TFEB: variants seen among roughly 807,000 people sequenced by gnomAD.
TFEB encodes the protein transcription factor EB.
In TFEB, 12 loss-of-function variants were observed where a neutral mutation model predicts 48.0. That is an observed-to-expected ratio of 0.25 (90% CI 0.16 to 0.40). The LOEUF is 0.40. Ranked by LOEUF, TFEB falls within the 10% of genes least tolerant of loss-of-function variation. The pLI, the probability that TFEB is intolerant of heterozygous loss-of-function variation, is 1.00. For synonymous variants in TFEB, 244 were observed against 261.4 expected (o/e 0.93, Z 0.64); for missense variants, 509 against 640.3 (o/e 0.79, Z 2.21).
Position 41,691,496 on chromosome 6 carries a change from A to G in TFEB, c.-22-261T>C, listed in dbSNP as rs1200176630. ...TTGCAGTTGGTAAATCCCAAACTCT[A>G]AGAGTCAACTTCCACTCCTCTCTGT... On this transcript the variant is annotated intron_variant, in intron 1 of 8. Transcript: ENST00000373033. This position sits in a 1 kb window ranked among gnomAD's most constrained non-coding sequence, Gnocchi z 5.2. 4 of 668,430 alleles carry G rather than the reference A, an allele frequency of 6.0e-6. No homozygotes were observed. The East Asian group carries it at 8.3e-5, about 14-fold the overall frequency. The allele number at this position is 668,430 out of a possible 1,614,324, so 41.4% of individuals were successfully genotyped here.
intron 1 of TFEB, among the ~76,000 whole-genome samples, chr6:41,713,305 G>A (rs1770567901): frequency 6.6e-6 from 1 of 152,168 alleles, no homozygotes; most frequent in Admixed American, 6.5e-5. Flanking sequence ...GGCGGGTGGT[G>A]GGCAGGTGGA....
chr6:41,712,321 G>C (rs911417777), intron 1 of TFEB, among the ~76,000 whole-genome samples: 6 of 152,144 alleles, frequency 3.9e-5, no homozygotes, highest in Non-Finnish European at 8.8e-5. Flanking sequence ...CGAGAAAGAG[G>C]CTCCCCAAAG....
intron 4 of TFEB, 39 bp downstream of exon 4, chr6:41,689,692 A>G (rs774642549): frequency 6.5e-7 from 1 of 1,548,904 alleles, no homozygotes; most frequent in Admixed American, 1.7e-5. Context: ...CCCCCTCCCT[A>G]GAACCCTTGC....
intron 1 of TFEB, among the ~76,000 whole-genome samples, chr6:41,706,295 G>A (rs969017545): frequency 6.6e-6 from 1 of 152,210 alleles, no homozygotes; most frequent in African/African-American, 2.4e-5. Context: ...AATTAACCAG[G>A]TTCCAAAATA....
At position 41,686,931 on chromosome 6, in the gene TFEB, T is replaced by A. The variant is rs1769040838; in HGVS notation, c.803+163A>T. ...CTCATCTGTCTTGAGCTTTCCTGAT[T>A]CTTTCCTGATTTGGGAGAGGGAGAG... On this transcript the variant is annotated intron_variant, in intron 7 of 8. Transcript: ENST00000373033. 2.8e-5 allele frequency: 19 copies of A among 676,088 alleles called. No individual in the cohort carries two copies. The East Asian group carries it at 5.2e-4, about 18-fold the overall frequency. The allele number at this position is 676,088 out of a possible 1,614,324, so 41.9% of individuals were successfully genotyped here.
chr6:41,713,625 C>T (rs975723905), intron 1 of TFEB, among the ~76,000 whole-genome samples: 1 of 152,164 alleles, frequency 6.6e-6, no homozygotes, highest in Non-Finnish European at 1.5e-5. Flanking sequence ...AGAACTCAGG[C>T]ACCTGGTGGG....
At position 41,712,434 on chromosome 6, in the gene TFEB, C is replaced by T. The variant is rs1487820983; in HGVS notation, c.-22-21199G>A. Reference sequence around the variant, plus strand: ...CAGCCACAGCTCTGGGCTCCAACCCCGGCTCTGCTTCTCACTAGCCATGAG... The same window carrying T: ...CAGCCACAGCTCTGGGCTCCAACCCTGGCTCTGCTTCTCACTAGCCATGAG... On this transcript the variant is annotated intron_variant, in intron 1 of 8. Coordinates refer to ENST00000373033, the MANE Select transcript of TFEB (RefSeq NM_001271944.2). 3.3e-5 allele frequency among the ~76,000 whole-genome samples: 5 copies of T among 152,208 alleles called. No individual in the cohort carries two copies. The South Asian group carries it at 1.0e-3, about 31-fold the overall frequency.
At chr6:41,688,588 A>G (rs566322207) in intron 4 of TFEB, among the ~76,000 whole-genome samples, 45 of 140,712 alleles carry the variant, frequency 3.2e-4, no homozygotes, top group African/African-American at 1.2e-3. Flanking sequence ...GGGAAGTTGA[A>G]GCAGGAGTCT....
At chr6:41,727,625 G>A (rs1771268272) in intron 1 of TFEB, among the ~76,000 whole-genome samples, 1 of 152,184 alleles carries the variant, frequency 6.6e-6, no homozygotes, top group African/African-American at 2.4e-5. Flanking sequence ...CCAGAAGGTT[G>A]AGGCTATAGT....
At chr6:41,714,351 G>C (rs990784793) in intron 1 of TFEB, among the ~76,000 whole-genome samples, 8 of 152,200 alleles carry the variant, frequency 5.3e-5, no homozygotes, top group African/African-American at 1.7e-4. Context: ...TTGTTTTCCA[G>C]ATGAACAAAC....
At chr6:41,716,545 T>C (rs1770741487) in intron 1 of TFEB, among the ~76,000 whole-genome samples, 1 of 152,154 alleles carries the variant, frequency 6.6e-6, no homozygotes, top group Non-Finnish European at 1.5e-5. Context: ...CGCACAAGCA[T>C]GAATAGGACA....
At chr6:41,731,939 C>T (rs1771467764) in intron 1 of TFEB, among the ~76,000 whole-genome samples, 1 of 152,222 alleles carries the variant, frequency 6.6e-6, no homozygotes, top group South Asian at 2.1e-4. Context: ...AGCCGGAGGT[C>T]CTTTGGTCAC....
chr6:41,723,929 G>T lies in TFEB; in HGVS notation c.-23+11421C>A, dbSNP rs769105806. ...TGGGCCTAACCCTAACCCCAGCCCC[G>T]CTTCCTAGAGACATGTGTCCTTCTA... On this transcript the variant is annotated intron_variant, in intron 1 of 8. Coordinates refer to ENST00000373033, the MANE Select transcript of TFEB (RefSeq NM_001271944.2). The surrounding 1 kb of genome is among the most constrained non-coding windows in gnomAD (Gnocchi z 6.0). The T allele has an allele frequency of 3.3e-5, 17 of 512,766 alleles. No individual in the cohort carries two copies. The highest frequency in any genetic ancestry group is 5.8e-5 in the African/African-American group (3 of 51,640). The allele number at this position is 512,766 out of a possible 1,614,324, so 31.8% of individuals were successfully genotyped here.
chr6:41,699,400 C>A (rs1459278202), intron 1 of TFEB, among the ~76,000 whole-genome samples: 1 of 152,236 alleles, frequency 6.6e-6, no homozygotes, highest in Non-Finnish European at 1.5e-5. Flanking sequence ...AAAGCCCAGA[C>A]TGGGGCAGAG....
At chr6:41,706,464 C>T (rs1044027530) in intron 1 of TFEB, among the ~76,000 whole-genome samples, 1 of 152,060 alleles carries the variant, frequency 6.6e-6, no homozygotes, top group African/African-American at 2.4e-5. Context: ...GGGCTCTTCT[C>T]CCCTCACAAC....
intron 1 of TFEB, among the ~76,000 whole-genome samples, chr6:41,728,689 G>A (rs986338994): frequency 1.3e-5 from 2 of 151,854 alleles, no homozygotes; most frequent in Non-Finnish European, 2.9e-5. Context: ...GGGAGGGGGG[G>A]TTGGGGGAGG....
rs993420573 is a variant in TFEB at position 41,734,173 on chromosome 6, CGA to C, written c.-23+1175_-23+1176del. 4.8e-6 allele frequency: 1 copy of C among 207,306 alleles called. No individual in the cohort carries two copies. The highest frequency in any genetic ancestry group is 2.4e-5 in the African/African-American group (1 of 42,480). 12.8% of individuals were successfully genotyped at this position (207,306 alleles called of 1,614,324 possible). On this transcript the variant is annotated intron_variant, in intron 1 of 8. Transcript: ENST00000373033. This position sits in a 1 kb window ranked among gnomAD's most constrained non-coding sequence, Gnocchi z 4.0. Reference sequence around the variant, plus strand: ...CTGAACCGTCCCCAGAACAGACAGGCGAGAGAACGACGGCTGGAGCTGAGGGG... The same window carrying C: ...CTGAACCGTCCCCAGAACAGACAGGCGAGAACGACGGCTGGAGCTGAGGGG...
chr6:41,714,206 T>C (rs1770627969), intron 1 of TFEB, among the ~76,000 whole-genome samples: 1 of 151,846 alleles, frequency 6.6e-6, no homozygotes, highest in Non-Finnish European at 1.5e-5. Context: ...TGTGCGTGCA[T>C]GTGCGTGCGT....
chr6:41,684,610 C>T lies in TFEB; in HGVS notation c.1420G>A (p.Asp474Asn), dbSNP rs749108653. The T allele has an allele frequency of 3.2e-6, 5 of 1,583,118 alleles. No homozygotes were observed. Among genetic ancestry groups the T allele is most frequent in the Non-Finnish European group, 4.3e-6 (5 of 1,165,124 alleles). The part of the protein sequence containing the change: ...RRSSFSMEEG[D>N]VL ...AGGGGCAGCCAGGGTCACAGCACAT[C>T]GCCCTCCTCCATGCTGAAGCTGCTC... Residue 474 changes from aspartate to asparagine, a missense_variant, in exon 9 of 9, where the codon GAT becomes AAT. Transcript: ENST00000373033.
Sources: gnomAD v4.1 joint callset for allele counts (sites outside exome capture counted in the v4.1 genomes callset) on GRCh38, gnomAD v4.1.1 for gene constraint, Gnocchi (gnomAD v3.1) non-coding constraint, MANE v1.5 for transcripts, NCBI Gene and HGNC (gene_info 2026-07-23, HGNC 2026-07-21) for gene names.